MKLN1: variants seen among roughly 807,000 people sequenced by gnomAD.
MKLN1 encodes the protein muskelin.
MKLN1 carries 18 observed loss-of-function variants against 99.0 expected under a neutral mutation model. The ratio of observed to expected loss-of-function variants is 0.18; its 90% confidence interval spans 0.13 to 0.27. The LOEUF (loss-of-function observed/expected upper bound fraction) is 0.27. MKLN1 is among the 10% of genes least tolerant of loss of function. MKLN1 has a pLI of 1.00. For missense variants in MKLN1, 621 were observed against 875.9 expected, an observed-to-expected ratio of 0.71 and a Z score of 3.67; for synonymous variants, 288 against 293.2, an observed-to-expected ratio of 0.98 and a Z score of 0.18.
intron 2 of MKLN1, among the ~76,000 whole-genome samples, chr7:131,186,006 C>T (rs1796445034): frequency 6.6e-6 from 1 of 150,854 alleles, no homozygotes; most frequent in South Asian, 2.1e-4. Flanking sequence ...TCCTGGCCAA[C>T]ATGGTGAAAC....
intron 3 of MKLN1, among the ~76,000 whole-genome samples, chr7:131,235,913 T>A (rs1797314758): frequency 6.6e-6 from 1 of 152,192 alleles, no homozygotes; most frequent in Non-Finnish European, 1.5e-5. Context: ...CACCGTCACC[T>A]TGGAAACCAA....
At chr7:131,156,186 T>G (rs1795960703) in intron 2 of MKLN1, among the ~76,000 whole-genome samples, 1 of 152,106 alleles carries the variant, frequency 6.6e-6, no homozygotes, top group Non-Finnish European at 1.5e-5. Context: ...TGCATCAACC[T>G]AATACAATAG....
At chr7:131,314,981 G>A (rs1798638138) in intron 3 of MKLN1, among the ~76,000 whole-genome samples, 1 of 151,914 alleles carries the variant, frequency 6.6e-6, no homozygotes. Flanking sequence ...TCATTACATT[G>A]ACCAGGCCGG....
chr7:131,117,288 G>A (rs973753057), intron 1 of MKLN1, among the ~76,000 whole-genome samples: 2 of 151,848 alleles, frequency 1.3e-5, no homozygotes, highest in Non-Finnish European at 2.9e-5. Flanking sequence ...AAATTAGCTG[G>A]GCGTGGTGGT....
intron 1 of MKLN1, among the ~76,000 whole-genome samples, chr7:131,329,236 T>A (rs562758769): frequency 2.0e-4 from 30 of 152,346 alleles, no homozygotes; most frequent in African/African-American, 7.2e-4. Flanking sequence ...ACTGGAAGAA[T>A]CTGTCATGAC....
intron 16 of MKLN1, 67 bp from the exon 17 acceptor site, chr7:131,478,556 A>G (rs1322353605): frequency 1.4e-6 from 2 of 1,403,056 alleles, no homozygotes; most frequent in South Asian, 3.1e-5. Context: ...ATAGAAGGCT[A>G]TTTTCCTTCA....
At chr7:131,187,683 C>T (rs963886128) in intron 2 of MKLN1, among the ~76,000 whole-genome samples, 1 of 152,118 alleles carries the variant, frequency 6.6e-6, no homozygotes, top group Non-Finnish European at 1.5e-5. Flanking sequence ...AACCTCAGCA[C>T]TTTGGGACGC....
chr7:131,122,874 T>C (rs1485656529), intron 1 of MKLN1, among the ~76,000 whole-genome samples: 1 of 151,452 alleles, frequency 6.6e-6, no homozygotes, highest in Non-Finnish European at 1.5e-5. Flanking sequence ...ACAAAAAAAA[T>C]TAGCCGGGTG....
At chr7:131,476,529 A>G (rs1282475830) in intron 16 of MKLN1, among the ~76,000 whole-genome samples, 3 of 152,240 alleles carry the variant, frequency 2.0e-5, no homozygotes, top group Admixed American at 1.3e-4. Context: ...AATGAAAAGC[A>G]TAGTTTATAT....
chr7:131,167,684 A>ATAAT (rs200705103), intron 2 of MKLN1, among the ~76,000 whole-genome samples: 1 of 151,844 alleles, frequency 6.6e-6, no homozygotes, highest in African/African-American at 2.4e-5. Flanking sequence ...AAAAAAAAAA[A>ATAAT]AATAATGTGG....
chr7:131,149,731 A>G (rs1795862697), intron 2 of MKLN1, among the ~76,000 whole-genome samples: 1 of 152,204 alleles, frequency 6.6e-6, no homozygotes, highest in African/African-American at 2.4e-5. Flanking sequence ...TGTAATTAGA[A>G]CTCTCAGTTT....
At chr7:131,420,620 A>G (rs1795164760) in intron 8 of MKLN1, among the ~76,000 whole-genome samples, 1 of 152,234 alleles carries the variant, frequency 6.6e-6, no homozygotes, top group Non-Finnish European at 1.5e-5. Flanking sequence ...AGATCTAACC[A>G]AAGTAATAAT....
intron 1 of MKLN1, among the ~76,000 whole-genome samples, chr7:131,118,575 GAAAA>G (rs1795313971): frequency 6.6e-6 from 1 of 151,304 alleles, no homozygotes; most frequent in Non-Finnish European, 1.5e-5. Flanking sequence ...AAGAAAGAAA[GAAAA>G]GAAAGAAAGA....
At chr7:131,243,015 G>A in intron 3 of MKLN1, 1 of 577,180 alleles carries the variant, frequency 1.7e-6, no homozygotes, top group Non-Finnish European at 3.3e-6. Flanking sequence ...GCTTCGTTTT[G>A]GTCATTAAAA....
chr7:131,123,201 A>G (rs1795403284), intron 1 of MKLN1, among the ~76,000 whole-genome samples: 1 of 152,190 alleles, frequency 6.6e-6, no homozygotes, highest in Admixed American at 6.5e-5. Context: ...TTGAAACAAT[A>G]TTTAAAATGT....
intron 2 of MKLN1, among the ~76,000 whole-genome samples, chr7:131,378,446 CAAAG>C (rs1793733386): frequency 6.6e-6 from 1 of 152,116 alleles, no homozygotes; most frequent in African/African-American, 2.4e-5. Context: ...AGTTATGTAG[CAAAG>C]AGTCTTGCAC....
intron 1 of MKLN1, among the ~76,000 whole-genome samples, chr7:131,356,846 G>T (rs548127204): frequency 1.3e-5 from 2 of 152,186 alleles, no homozygotes; most frequent in Non-Finnish European, 1.5e-5. Context: ...CACAACTTCA[G>T]TTCTTGCCTC....
chr7:131,307,836 G>A (rs1798490653), intron 3 of MKLN1, among the ~76,000 whole-genome samples: 1 of 152,182 alleles, frequency 6.6e-6, no homozygotes, highest in Admixed American at 6.5e-5. Context: ...TTGAGTTAAT[G>A]CTGGAATAGG....
At chr7:131,292,414 C>A (rs1241895438) in intron 3 of MKLN1, among the ~76,000 whole-genome samples, 1 of 152,188 alleles carries the variant, frequency 6.6e-6, no homozygotes, top group African/African-American at 2.4e-5. Context: ...CGAATCATGT[C>A]CCCCCAAAAA....
Sources: allele counts gnomAD v4.1 joint callset (sites outside exome capture counted in the v4.1 genomes callset), GRCh38; gene constraint gnomAD v4.1.1; transcripts MANE v1.5; gene names NCBI Gene and HGNC (gene_info 2026-07-23, HGNC 2026-07-21).